EIF4G3: variants seen among roughly 807,000 people sequenced by gnomAD.
EIF4G3 encodes the protein eIF-4-gamma 3.
Under a neutral mutation model 186.4 loss-of-function variants are expected in EIF4G3, and 34 were observed. That is an observed-to-expected ratio of 0.18 (90% confidence interval 0.14 to 0.24). The LOEUF (loss-of-function observed/expected upper bound fraction) is 0.24. Ranked by LOEUF, EIF4G3 falls within the 10% of genes least tolerant of loss-of-function variation. The probability of loss-of-function intolerance (pLI) is 1.00; values close to 1 mark genes in which losing one functional copy is unlikely to be tolerated. For synonymous variants in EIF4G3, 673 were observed against 679.5 expected, an observed-to-expected ratio of 0.99 and a Z score of 0.15; for missense variants, 1,536 against 1,948.5, an observed-to-expected ratio of 0.79 and a Z score of 3.99.
intron 20 of EIF4G3, among the ~76,000 whole-genome samples, chr1:20,868,020 A>G (rs957700518): frequency 1.7e-4 from 25 of 151,250 alleles, no homozygotes; most frequent in African/African-American, 6.1e-4. Context: ...GATGGTTAAC[A>G]GGGCTGTGGA....
intron 18 of EIF4G3, among the ~76,000 whole-genome samples, chr1:20,891,803 A>C (rs544505129): frequency 6.6e-6 from 1 of 151,394 alleles, no homozygotes; most frequent in African/African-American, 2.4e-5. Context: ...AAAAAAAAAA[A>C]GGGTATAAAA....
At chr1:20,881,331 A>G (rs1005976591) in intron 19 of EIF4G3, among the ~76,000 whole-genome samples, 1 of 152,236 alleles carries the variant, frequency 6.6e-6, no homozygotes, top group Non-Finnish European at 1.5e-5. Context: ...AAAACTCAAC[A>G]AAAACTGGAT....
intron 14 of EIF4G3, among the ~76,000 whole-genome samples, chr1:20,917,872 T>C (rs1223161027): frequency 6.6e-6 from 1 of 152,216 alleles, no homozygotes; most frequent in Admixed American, 6.5e-5. Context: ...CGATAATGTA[T>C]GTTTACTGAC....
chr1:21,042,825 A>G (rs1371018131), intron 4 of EIF4G3, among the ~76,000 whole-genome samples: 2 of 152,234 alleles, frequency 1.3e-5, no homozygotes, highest in Admixed American at 1.3e-4. Flanking sequence ...TAAATTGAAG[A>G]GTCAAACTGC....
At chr1:20,953,393 T>C (rs948994287) in intron 12 of EIF4G3, among the ~76,000 whole-genome samples, 1 of 152,236 alleles carries the variant, frequency 6.6e-6, no homozygotes, top group Admixed American at 6.5e-5. Context: ...AGATTCCTGA[T>C]AGTGTTTGAG....
intron 5 of EIF4G3, among the ~76,000 whole-genome samples, chr1:21,002,380 C>T (rs2083747077): frequency 6.6e-6 from 1 of 152,012 alleles, no homozygotes. Flanking sequence ...TTACTCTTAC[C>T]TGAATTTTGA....
At chr1:20,946,364 A>G (rs921253523) in intron 13 of EIF4G3, among the ~76,000 whole-genome samples, 1 of 152,220 alleles carries the variant, frequency 6.6e-6, no homozygotes, top group Non-Finnish European at 1.5e-5. Context: ...CACTCAGTAA[A>G]TAGCAATCAT....
In EIF4G3 at chr1:20,827,664, C is replaced by T. The variant is rs764817596; in HGVS notation, c.4222G>A (p.Ala1408Thr). Residue 1408 changes from alanine to threonine, a missense_variant, in exon 32 of 37, where the codon GCT becomes ACT. Physicochemically the swap from Ala to Thr is moderately conservative, Grantham distance 58. Coordinates refer to ENST00000602326, the MANE Select transcript of EIF4G3 (RefSeq NM_001391906.1). ...AATATTTCAGATAGCAAGACCCCAG[C>T]TCTTCCAACAGGAAGTAAAGGTTTG... Reference protein sequence around the residue: ...FSKPLLPVGRAGVLLSEILHL... With the variant: ...FSKPLLPVGRTGVLLSEILHL... 3 of 1,612,672 alleles carry T rather than the reference C, an allele frequency of 1.9e-6. No individual in the cohort carries two copies. The African/African-American group carries it at 4.0e-5, about 22-fold the overall frequency.
chr1:21,025,882 A>T (rs1431768541), intron 4 of EIF4G3, among the ~76,000 whole-genome samples: 1 of 152,226 alleles, frequency 6.6e-6, no homozygotes, highest in East Asian at 1.9e-4. Flanking sequence ...CCTTGCCATG[A>T]GAGTGGATGA....
intron 29 of EIF4G3, among the ~76,000 whole-genome samples, chr1:20,844,664 C>G (rs966859541): frequency 2.0e-5 from 3 of 152,094 alleles, no homozygotes; most frequent in African/African-American, 2.4e-5. Flanking sequence ...AACCCCGTCT[C>G]TACTAAAAAT....
intron 35 of EIF4G3, 22 bp downstream of exon 35, chr1:20,813,136 T>G: frequency 6.6e-7 from 1 of 1,524,938 alleles, no homozygotes; most frequent in Non-Finnish European, 9.1e-7. Context: ...TGTTATGAGC[T>G]GCCTTCAGAA....
intron 4 of EIF4G3, among the ~76,000 whole-genome samples, chr1:21,038,865 T>C (rs2093395644): frequency 1.3e-5 from 2 of 152,170 alleles, no homozygotes; most frequent in African/African-American, 4.8e-5. Context: ...GAATGTTGTG[T>C]CCATTATGAA....
chr1:21,014,899 T>A (rs1406058606), intron 4 of EIF4G3, among the ~76,000 whole-genome samples: 1 of 152,110 alleles, frequency 6.6e-6, no homozygotes, highest in Non-Finnish European at 1.5e-5. Context: ...CCTCCCAAAG[T>A]GCTGGGATTA....
chr1:21,038,182 C>T (rs1001375505), intron 4 of EIF4G3, among the ~76,000 whole-genome samples: 5 of 152,298 alleles, frequency 3.3e-5, no homozygotes, highest in Non-Finnish European at 5.9e-5. Flanking sequence ...TGATCACAGG[C>T]TACTTGTGTT....
rs143140163 is a variant in EIF4G3, at chr1:21,037,558, T to C, written c.-67+13308A>G. ...AATTTGGTTCTATCACCAAAATAAATTGGCATATAAAATCAATACCGTAAA... is the reference window on the plus strand; with the variant it reads ...AATTTGGTTCTATCACCAAAATAAACTGGCATATAAAATCAATACCGTAAA... On this transcript the variant is annotated intron_variant, in intron 4 of 36. Coordinates refer to ENST00000602326, the MANE Select transcript of EIF4G3 (RefSeq NM_001391906.1). Among the ~76,000 whole-genome samples, 10 of 152,304 alleles carry C rather than the reference T, an allele frequency of 6.6e-5. No individual in the cohort carries two copies. The East Asian group carries it at 1.3e-3, about 21-fold the overall frequency.
chr1:20,897,684 C>T (rs2088764262), intron 16 of EIF4G3, among the ~76,000 whole-genome samples: 1 of 152,000 alleles, frequency 6.6e-6, no homozygotes, highest in Non-Finnish European at 1.5e-5. Flanking sequence ...ATGTTTTCCA[C>T]CATATCTTTA....
At chr1:20,827,045 A>G (rs1010024172) in intron 32 of EIF4G3, among the ~76,000 whole-genome samples, 2 of 152,162 alleles carry the variant, frequency 1.3e-5, no homozygotes, top group South Asian at 2.1e-4. Context: ...CTATCATCCA[A>G]TATCTTTGAG....
chr1:21,012,487 C>T (rs781555431), intron 4 of EIF4G3, among the ~76,000 whole-genome samples: 6 of 152,190 alleles, frequency 3.9e-5, no homozygotes, highest in Non-Finnish European at 7.3e-5. Flanking sequence ...CACAGGACAT[C>T]ACCAAGATAA....
At chr1:20,997,751 T>TA in intron 6 of EIF4G3, 118 bp from the exon 7 acceptor site, 1 of 740,412 alleles carries the variant, frequency 1.4e-6, no homozygotes, top group Non-Finnish European at 2.2e-6. Context: ...AGTGGGGAAA[T>TA]AAAAAACAAC....
Sources: allele counts gnomAD v4.1 joint callset (sites outside exome capture counted in the v4.1 genomes callset), GRCh38; gene constraint gnomAD v4.1.1; transcripts MANE v1.5; gene names NCBI Gene and HGNC (gene_info 2026-07-23, HGNC 2026-07-21).